TRABD2B: variants seen among roughly 807,000 people sequenced by gnomAD.
TRABD2B encodes TraB domain containing 2B, also known as metalloprotease TIKI2.
In TRABD2B, 14 loss-of-function variants were observed where a neutral mutation model predicts 40.1. That is an observed-to-expected ratio of 0.35 (90% confidence interval 0.23 to 0.55). The LOEUF (loss-of-function observed/expected upper bound fraction) is 0.55, where lower values mean the gene tolerates loss of function less well. TRABD2B is among the 20% of genes least tolerant of loss of function. The pLI is 0.90. For missense variants in TRABD2B, 541 were observed against 648.6 expected, an observed-to-expected ratio of 0.83 and a Z score of 1.80; for synonymous variants, 263 against 277.0, an observed-to-expected ratio of 0.95 and a Z score of 0.50.
chr1:47,880,238 C>A (rs1644283454), intron 2 of TRABD2B, among the ~76,000 whole-genome samples: 1 of 152,050 alleles, frequency 6.6e-6, no homozygotes, highest in African/African-American at 2.4e-5. Context: ...ATTGCTTGAG[C>A]CCAGGAGGTG....
At chr1:47,824,372 A>T (rs1173256608) in intron 2 of TRABD2B, among the ~76,000 whole-genome samples, 1 of 152,012 alleles carries the variant, frequency 6.6e-6, no homozygotes, top group East Asian at 1.9e-4. Context: ...TGCAAATTCA[A>T]CCCTGACTCT....
intron 2 of TRABD2B, among the ~76,000 whole-genome samples, chr1:47,864,933 T>C (rs1205720719): frequency 6.7e-6 from 1 of 148,854 alleles, no homozygotes; most frequent in Non-Finnish European, 1.5e-5. Context: ...CCTGGATGAG[T>C]AGAGCCCCTG....
intron 2 of TRABD2B, among the ~76,000 whole-genome samples, chr1:47,978,142 C>T (rs1645785790): frequency 6.6e-6 from 1 of 151,962 alleles, no homozygotes; most frequent in Non-Finnish European, 1.5e-5. Context: ...GTCTTGAGAG[C>T]GGAGCCCACA....
intron 2 of TRABD2B, among the ~76,000 whole-genome samples, chr1:47,851,293 C>G (rs1276736667): frequency 6.6e-6 from 1 of 152,144 alleles, no homozygotes; most frequent in Non-Finnish European, 1.5e-5. Context: ...AGAACTAAAG[C>G]AGCTCATCAG....
chr1:47,892,838 G>A (rs1644466587), intron 2 of TRABD2B, among the ~76,000 whole-genome samples: 1 of 152,224 alleles, frequency 6.6e-6, no homozygotes, highest in Non-Finnish European at 1.5e-5. Flanking sequence ...ATGTGGCTCT[G>A]GGAAGGCCAG....
At chr1:47,884,198 GA>G (rs1023008240) in intron 2 of TRABD2B, among the ~76,000 whole-genome samples, 7 of 152,248 alleles carry the variant, frequency 4.6e-5, no homozygotes, top group African/African-American at 1.7e-4. Flanking sequence ...TATGCTCTTT[GA>G]AAACAGCAGT....
At chr1:47,949,995 A>C (rs1162722389) in intron 2 of TRABD2B, among the ~76,000 whole-genome samples, 1 of 152,074 alleles carries the variant, frequency 6.6e-6, no homozygotes, top group African/African-American at 2.4e-5. Context: ...AAGAAAGGAG[A>C]GAGAGGTAGG....
intron 2 of TRABD2B, among the ~76,000 whole-genome samples, chr1:47,916,436 G>A (rs1644831181): frequency 6.6e-6 from 1 of 152,336 alleles, no homozygotes; most frequent in African/African-American, 2.4e-5. Context: ...GATGAGCACT[G>A]TGACTGAGGG....
chr1:47,787,453 C>T (rs1274347876), intron 4 of TRABD2B, among the ~76,000 whole-genome samples: 1 of 152,138 alleles, frequency 6.6e-6, no homozygotes, highest in African/African-American at 2.4e-5. Flanking sequence ...TAACTCTCAC[C>T]TTGCTCTATT....
chr1:47,989,749 A>AACACACAC (rs141660023), intron 2 of TRABD2B, among the ~76,000 whole-genome samples: 23 of 149,018 alleles, frequency 1.5e-4, no homozygotes, highest in African/African-American at 3.2e-4. Context: ...CCACCATTCC[A>AACACACAC]ACACACACAC....
chr1:47,914,747 A>T (rs1398957815), intron 2 of TRABD2B, among the ~76,000 whole-genome samples: 3 of 152,354 alleles, frequency 2.0e-5, no homozygotes, highest in African/African-American at 7.2e-5. Flanking sequence ...AGTCAGCAGA[A>T]TCGGAACCAG....
chr1:47,834,269 T>C (rs1205784131), intron 2 of TRABD2B, among the ~76,000 whole-genome samples: 2 of 152,224 alleles, frequency 1.3e-5, no homozygotes, highest in East Asian at 3.8e-4. Flanking sequence ...CACAGCAGCC[T>C]GAGGCATTCG....
chr1:47,987,050 G>A (rs372500093), intron 2 of TRABD2B, among the ~76,000 whole-genome samples: 1 of 152,210 alleles, frequency 6.6e-6, no homozygotes, highest in Non-Finnish European at 1.5e-5. Context: ...TCCTCCCTAG[G>A]AAAGCTGCAT....
At chr1:47,875,461 A>G (rs1644209861) in intron 2 of TRABD2B, among the ~76,000 whole-genome samples, 1 of 151,826 alleles carries the variant, frequency 6.6e-6, no homozygotes, top group African/African-American at 2.4e-5. Context: ...CAGAGGCAGG[A>G]GCACCGCTTT....
chr1:47,774,508 T>A (rs1644416777), intron 6 of TRABD2B, among the ~76,000 whole-genome samples: 1 of 152,158 alleles, frequency 6.6e-6, no homozygotes, highest in Admixed American at 6.5e-5. Context: ...GAAGACAGCA[T>A]CCTGGTCACA....
intron 2 of TRABD2B, among the ~76,000 whole-genome samples, chr1:47,803,578 A>G (rs1644851968): frequency 6.6e-6 from 1 of 152,202 alleles, no homozygotes; most frequent in African/African-American, 2.4e-5. Context: ...CCCCAGATGC[A>G]TGAGTGGAAA....
At position 47,908,789 on chromosome 1, in the gene TRABD2B, T is replaced by C. The variant is rs1454877692; in HGVS notation, c.666+85245A>G. 2.0e-5 allele frequency among the ~76,000 whole-genome samples: 3 copies of C among 152,252 alleles called. No homozygotes were observed. In the East Asian group the frequency reaches 5.8e-4, roughly 29 times the overall value. On this transcript the variant is annotated intron_variant, in intron 2 of 6. Coordinates refer to ENST00000606738, the MANE Select transcript of TRABD2B (RefSeq NM_001194986.2). ...GAGGGCTCTGGCTCCTCATACCATG[T>C]ACAGAGATGGTTTTGGGAGGGGGCA...
At chr1:47,840,509 G>C (rs1015589987) in intron 2 of TRABD2B, among the ~76,000 whole-genome samples, 1 of 152,200 alleles carries the variant, frequency 6.6e-6, no homozygotes, top group Non-Finnish European at 1.5e-5. Context: ...CTGGTCCACA[G>C]CATTCTTTAG....
At chr1:47,856,379 TGA>T (rs1363084265) in intron 2 of TRABD2B, among the ~76,000 whole-genome samples, 1 of 152,216 alleles carries the variant, frequency 6.6e-6, no homozygotes, top group African/African-American at 2.4e-5. Flanking sequence ...AGTGAACGCA[TGA>T]GAGTGTGAAG....
Sources: gnomAD v4.1 joint callset for allele counts (sites outside exome capture counted in the v4.1 genomes callset) on GRCh38, gnomAD v4.1.1 for gene constraint, MANE v1.5 for transcripts, NCBI Gene and HGNC (gene_info 2026-07-23, HGNC 2026-07-21) for gene names.